The following VWC2 variants were observed in gnomAD, a reference collection of about 807,000 sequenced individuals.
VWC2 encodes brorin.
A neutral mutation model predicts 29.8 loss-of-function variants in VWC2; 14 were observed. The ratio of observed to expected loss-of-function variants is 0.47; its 90% confidence interval spans 0.31 to 0.74. The LOEUF is 0.74. Among genes scored for constraint, VWC2 ranks in the 30% least tolerant of loss-of-function variants. The pLI, the probability that VWC2 is intolerant of heterozygous loss-of-function variation, is 0.05. For missense variants in VWC2, 457 were observed against 459.8 expected (o/e 0.99, Z 0.05); for synonymous variants, 213 against 199.0 (o/e 1.07, Z -0.59).
intron 3 of VWC2, among the ~76,000 whole-genome samples, chr7:49,876,964 A>G (rs942494801): frequency 5.3e-5 from 8 of 152,028 alleles, no homozygotes; most frequent in African/African-American, 1.9e-4. Context: ...CAGGTCTTCA[A>G]GATTCAAATA....
intron 3 of VWC2, among the ~76,000 whole-genome samples, chr7:49,811,244 A>G (rs1201408466): frequency 1.3e-5 from 2 of 152,188 alleles, no homozygotes; most frequent in African/African-American, 2.4e-5. Context: ...CAAATAACCA[A>G]TTAAGATGAT....
intron 3 of VWC2, among the ~76,000 whole-genome samples, chr7:49,835,466 A>G (rs1789634716): frequency 6.6e-6 from 1 of 152,182 alleles, no homozygotes; most frequent in Non-Finnish European, 1.5e-5. Flanking sequence ...TCAGGACTGA[A>G]CACTTGTTAA....
At chr7:49,828,955 T>G (rs1390560992) in intron 3 of VWC2, among the ~76,000 whole-genome samples, 1 of 152,136 alleles carries the variant, frequency 6.6e-6, no homozygotes, top group Admixed American at 6.5e-5. Context: ...CTAAGCCTGC[T>G]TGCTCTGCTC....
At chr7:49,835,576 T>C (rs1479919005) in intron 3 of VWC2, among the ~76,000 whole-genome samples, 1 of 152,134 alleles carries the variant, frequency 6.6e-6, no homozygotes, top group South Asian at 2.1e-4. Context: ...CTGAGGTTTT[T>C]AAAAGGAGGA....
chr7:49,804,535 T>C (rs1788828192), intron 3 of VWC2, among the ~76,000 whole-genome samples: 1 of 152,168 alleles, frequency 6.6e-6, no homozygotes, highest in African/African-American at 2.4e-5. Flanking sequence ...AGATATTCCA[T>C]GTTTTTCCTG....
chr7:49,849,577 C>T (rs886746275), intron 3 of VWC2, among the ~76,000 whole-genome samples: 1 of 152,230 alleles, frequency 6.6e-6, no homozygotes, highest in Admixed American at 6.5e-5. Context: ...CACACGCTGC[C>T]TCTTTTTGTT....
At chr7:49,802,933 C>G in intron 3 of VWC2, 93 bp downstream of exon 3, 1 of 1,533,518 alleles carries the variant, frequency 6.5e-7, no homozygotes, top group Non-Finnish European at 8.9e-7. Context: ...CATACGGATA[C>G]GTGAGTTTCA....
At chr7:49,810,041 A>C (rs1788970523) in intron 3 of VWC2, among the ~76,000 whole-genome samples, 1 of 151,950 alleles carries the variant, frequency 6.6e-6, no homozygotes, top group Non-Finnish European at 1.5e-5. Flanking sequence ...GGAGAAAAAG[A>C]GGAAGGAAAA....
At chr7:49,896,253 A>C (rs559838462) in intron 3 of VWC2, among the ~76,000 whole-genome samples, 4 of 152,296 alleles carry the variant, frequency 2.6e-5, no homozygotes, top group Non-Finnish European at 5.9e-5. Context: ...AGGCACAAGA[A>C]TCGCTTGAAC....
chr7:49,815,013 A>G (rs1022476702), intron 3 of VWC2, among the ~76,000 whole-genome samples: 4 of 152,140 alleles, frequency 2.6e-5, no homozygotes, highest in Non-Finnish European at 4.4e-5. Context: ...TATAGACACC[A>G]TGTTTTGTTG....
intron 3 of VWC2, among the ~76,000 whole-genome samples, chr7:49,812,999 T>C (rs933520064): frequency 6.6e-6 from 1 of 152,316 alleles, no homozygotes; most frequent in South Asian, 2.1e-4. Flanking sequence ...TATAGCTGGT[T>C]ATAGATTTTT....
chr7:49,862,843 T>C (rs1790713169), intron 3 of VWC2, among the ~76,000 whole-genome samples: 1 of 152,200 alleles, frequency 6.6e-6, no homozygotes, highest in African/African-American at 2.4e-5. Flanking sequence ...TGTATAATCC[T>C]TTTAATATGC....
rs1460131120 is a variant in VWC2, at chr7:49,776,141, G to T, written c.696+10G>T. On this transcript the variant is annotated intron_variant, in intron 2 of 3. Transcript: ENST00000340652. Reference sequence around the variant, plus strand: ...TTTGGAGGAGTTCGTGGTAAGATGCGAACGCCCGCCGGGCGACTTTGCACC... The same window carrying T: ...TTTGGAGGAGTTCGTGGTAAGATGCTAACGCCCGCCGGGCGACTTTGCACC... The T allele has an allele frequency of 6.7e-7, 1 of 1,500,664 alleles. No homozygotes were observed. The highest frequency in any genetic ancestry group is 8.9e-7 in the Non-Finnish European group (1 of 1,124,256). 93.0% of individuals were successfully genotyped at this position (1,500,664 alleles called of 1,614,324 possible).
At chr7:49,892,609 T>C (rs1177337056) in intron 3 of VWC2, among the ~76,000 whole-genome samples, 2 of 152,222 alleles carry the variant, frequency 1.3e-5, no homozygotes, top group Non-Finnish European at 2.9e-5. Flanking sequence ...AGTTTCATGC[T>C]GTGTTGGCAT....
chr7:49,823,982 T>C lies in VWC2; in HGVS notation c.826+21142T>C, dbSNP rs540783222. Among the ~76,000 whole-genome samples, 5 of 152,314 alleles carry C rather than the reference T, an allele frequency of 3.3e-5. No homozygotes were observed. The East Asian group carries it at 9.6e-4, about 29-fold the overall frequency. ...TGTTATTCTGTCATATTTCTTGTTA[T>C]TGACTTGAAAAAGTTAATACAAATC... On this transcript the variant is annotated intron_variant, in intron 3 of 3. Coordinates refer to ENST00000340652, the MANE Select transcript of VWC2 (RefSeq NM_198570.5).
chr7:49,874,874 C>G (rs1164660552), intron 3 of VWC2, among the ~76,000 whole-genome samples: 1 of 152,066 alleles, frequency 6.6e-6, no homozygotes, highest in Non-Finnish European at 1.5e-5. Context: ...ATGGCCAGAA[C>G]CTGCCTGTTG....
chr7:49,798,907 T>C (rs908063757), intron 2 of VWC2, among the ~76,000 whole-genome samples: 2 of 152,064 alleles, frequency 1.3e-5, no homozygotes, highest in Admixed American at 1.3e-4. Context: ...TTCATCCAGG[T>C]TGGTATCAAA....
At chr7:49,781,728 G>A (rs577397) in intron 2 of VWC2, among the ~76,000 whole-genome samples, 75,378 of 151,992 alleles carry the variant, frequency 0.5, 19,299 homozygotes, top group African/African-American at 0.6. Flanking sequence ...AGCCCAGAGT[G>A]CCTTGCTTAT....
chr7:49,775,277 C>T, intron 1 of VWC2, 56 bp from the exon 2 acceptor site: 1 of 317,490 alleles, frequency 3.1e-6, no homozygotes, highest in Non-Finnish European at 5.3e-6. Flanking sequence ...GGGGCCGCGG[C>T]GGGCCGGGGC....
Sources: gnomAD v4.1 joint callset for allele counts (sites outside exome capture counted in the v4.1 genomes callset) on GRCh38, gnomAD v4.1.1 for gene constraint, MANE v1.5 for transcripts, NCBI Gene and HGNC (gene_info 2026-07-23, HGNC 2026-07-21) for gene names.